SLC6A5: variants seen among roughly 807,000 people sequenced by gnomAD.
The protein encoded by SLC6A5 is sodium- and chloride-dependent glycine transporter 2.
A neutral mutation model predicts 90.5 loss-of-function variants in SLC6A5; 58 were observed. That is an observed-to-expected ratio of 0.64 (90% CI 0.52 to 0.80). The LOEUF (loss-of-function observed/expected upper bound fraction) is 0.80, where lower values mean the gene tolerates loss of function less well. Ranked by LOEUF, SLC6A5 falls within the 30% of genes least tolerant of loss-of-function variation. SLC6A5 has a pLI of 0.00. For synonymous variants in SLC6A5, 427 were observed against 401.4 expected, an observed-to-expected ratio of 1.06 and a Z score of -0.76; for missense variants, 1,015 against 1,017.6, an observed-to-expected ratio of 1.00 and a Z score of 0.03.
chr11:20,648,553 G>C (rs1250338656), intron 14 of SLC6A5, among the ~76,000 whole-genome samples: 1 of 152,110 alleles, frequency 6.6e-6, no homozygotes, highest in Non-Finnish European at 1.5e-5. Context: ...TTCAGGACTG[G>C]AATGTATATG....
At chr11:20,615,886 C>T (rs1852776134) in intron 6 of SLC6A5, among the ~76,000 whole-genome samples, 1 of 152,234 alleles carries the variant, frequency 6.6e-6, no homozygotes, top group South Asian at 2.1e-4. Flanking sequence ...AGGAAAGCCA[C>T]TGGTGCCCAG....
Position 20,601,165 on chromosome 11 carries a change from G to A in SLC6A5, c.40G>A (p.Ala14Thr). The change falls in exon 2 of 16, where the codon GCC becomes ACC. Residue 14 changes from alanine to threonine, a missense_variant. By Grantham distance (58) the Ala-to-Thr change is moderately conservative. Around this residue, in one of 3 missense-constraint regions of SLC6A5, gnomAD observed 567 missense variants for 507.3 expected, o/e 1.12. Coordinates refer to ENST00000525748, the MANE Select transcript of SLC6A5 (RefSeq NM_004211.5). ...TCCCAAGGAAATGAATAAACTGCCA[G>A]CCAACAGCCCGGAGGCGGCGGCGGC... is the stretch of plus-strand genomic sequence containing the variant. ...SAPKEMNKLPANSPEAAAAQG... is the reference protein window; with the variant it reads ...SAPKEMNKLPTNSPEAAAAQG... 1 of 1,590,578 alleles carries A rather than the reference G, an allele frequency of 6.3e-7. No individual in the cohort carries two copies. The highest frequency in any genetic ancestry group is 1.1e-5 in the South Asian group (1 of 89,380).
chr11:20,652,514 T>A (rs186418907), intron 15 of SLC6A5, 58 bp downstream of exon 15: 4 of 1,516,608 alleles, frequency 2.6e-6, no homozygotes, highest in Non-Finnish European at 3.7e-6. Flanking sequence ...CCATAAAAGC[T>A]CTGCATGTTA....
In SLC6A5 at chr11:20,601,327, C is replaced by A. The variant is rs909214394; in HGVS notation, c.202C>A (p.Arg68=). 6.3e-7 allele frequency: 1 copy of A among 1,593,958 alleles called. No homozygotes were observed. Among genetic ancestry groups the A allele is most frequent in the Non-Finnish European group, 8.5e-7 (1 of 1,174,128 alleles). ...GAQTFQSADA[R]ACEAERPGVG... Reference sequence around the variant, plus strand: ...CCAAACTTTCCAGTCAGCGGACGCGCGAGCCTGCGAGGCTGAGCGGCCAGG... The same window carrying A: ...CCAAACTTTCCAGTCAGCGGACGCGAGAGCCTGCGAGGCTGAGCGGCCAGG... Residue 68 remains arginine, a synonymous_variant, in exon 2 of 16, where the codon CGA becomes AGA. Coordinates refer to ENST00000525748, the MANE Select transcript of SLC6A5 (RefSeq NM_004211.5).
intron 14 of SLC6A5, among the ~76,000 whole-genome samples, chr11:20,647,410 A>T (rs1853440161): frequency 7.8e-6 from 1 of 127,570 alleles, no homozygotes; most frequent in Non-Finnish European, 1.6e-5. Flanking sequence ...CCTATTATAT[A>T]GGAATTCCTA....
chr11:20,656,327 T>G lies in SLC6A5; in HGVS notation c.*1459T>G, dbSNP rs1311402980. 1 of 152,208 alleles carries G rather than the reference T, an allele frequency of 6.6e-6. No individual in the cohort carries two copies. The highest frequency in any genetic ancestry group is 2.4e-5 in the African/African-American group (1 of 41,446). The allele number at this position is 152,208 out of a possible 1,614,324, so 9.4% of individuals were successfully genotyped here. The stretch of plus-strand genomic sequence containing the variant: ...GTAGTCTGGGGATTTTATTTTCCCT[T>G]ACAGTAATAATATCTAAACCTAAAA... On this transcript the variant is annotated 3_prime_UTR_variant, in exon 16 of 16. Transcript: ENST00000525748.
chr11:20,653,985 C>T (rs762872650), intron 15 of SLC6A5, among the ~76,000 whole-genome samples: 3 of 152,180 alleles, frequency 2.0e-5, no homozygotes, highest in Non-Finnish European at 2.9e-5. Flanking sequence ...AGGTAATAAA[C>T]ATATAATTGT....
intron 10 of SLC6A5, among the ~76,000 whole-genome samples, chr11:20,632,737 G>T (rs1343528150): frequency 6.6e-6 from 1 of 152,200 alleles, no homozygotes; most frequent in Non-Finnish European, 1.5e-5. Context: ...ACAGGACAGA[G>T]ATTTGGGGTC....
In SLC6A5 at chr11:20,607,575, T is replaced by G. The variant is rs780841122; in HGVS notation, c.908T>G (p.Val303Gly). Reference sequence around the variant, plus strand: ...CTTTTCTACCTGTTTGCCTCCTTTGTGTCTGTACTACCCTGGGGCTCCTGC... The same window carrying G: ...CTTTTCTACCTGTTTGCCTCCTTTGGGTCTGTACTACCCTGGGGCTCCTGC... ...YTLFYLFASF[V>G]SVLPWGSCNN... Residue 303 changes from valine (V) to glycine (G), a missense_variant, in exon 5 of 16, where the codon GTG becomes GGG. Coordinates refer to ENST00000525748, the MANE Select transcript of SLC6A5 (RefSeq NM_004211.5). The G allele has an allele frequency of 1.9e-6, 3 of 1,614,040 alleles. No homozygotes were observed. Among genetic ancestry groups the G allele is most frequent in the East Asian group, 4.5e-5 (2 of 44,892 alleles).
Position 20,656,225 on chromosome 11 carries a change from A to T in SLC6A5, c.*1357A>T, listed in dbSNP as rs536196844. ...TTTAAAATGTGACATGTGTTCATGT[A>T]GTGTGTACTTGTAGTGGTGTTTTCT... On this transcript the variant is annotated 3_prime_UTR_variant, in exon 16 of 16. Coordinates refer to ENST00000525748, the MANE Select transcript of SLC6A5 (RefSeq NM_004211.5). 6.6e-6 allele frequency: 1 copy of T among 152,346 alleles called. No homozygotes were observed. Among genetic ancestry groups the T allele is most frequent in the South Asian group, 2.1e-4 (1 of 4,828 alleles). The allele number at this position is 152,346 out of a possible 1,614,324, so 9.4% of individuals were successfully genotyped here. A position where few individuals can be genotyped will look rare whatever the true frequency, so the allele number is the denominator to read the frequency against.
Position 20,638,486 on chromosome 11 carries a change from G to T in SLC6A5, c.1897G>T (p.Asp633Tyr). 1 of 1,613,016 alleles carries T rather than the reference G, an allele frequency of 6.2e-7. No individual in the cohort carries two copies. The highest frequency in any genetic ancestry group is 8.5e-7 in the Non-Finnish European group (1 of 1,179,088). Residue 633 changes from aspartate (D) to tyrosine (Y), a missense_variant, in exon 13 of 16, where the codon GAC becomes TAC. Around this residue, in one of 3 missense-constraint regions of SLC6A5, gnomAD observed 442 missense variants for 494.3 expected, o/e 0.89. Transcript: ENST00000525748. ...QGGIYMFQLV[D>Y]TYAASYALVI... ...TGGAATTTACATGTTTCAGCTTGTG[G>T]ACACCTATGCTGCCTCCTATGCCCT... is the stretch of plus-strand genomic sequence containing the variant.
chr11:20,618,310 A>G (rs1411294318), intron 7 of SLC6A5, among the ~76,000 whole-genome samples: 1 of 152,110 alleles, frequency 6.6e-6, no homozygotes, highest in Non-Finnish European at 1.5e-5. Flanking sequence ...CTGGCTGAAG[A>G]TCAAAACTGT....
intron 7 of SLC6A5, among the ~76,000 whole-genome samples, chr11:20,621,353 T>TAA: frequency 6.6e-6 from 1 of 152,340 alleles, no homozygotes; most frequent in South Asian, 2.1e-4. Context: ...TCTAGGATTC[T>TAA]TTTTATCTTA....
chr11:20,656,380 A>G lies in SLC6A5; in HGVS notation c.*1512A>G, dbSNP rs567622095. ...GTTTCCTTTAGGGGAGATCATTTCA[A>G]TCATTTTCTTCATTTATCTTCATAG... On this transcript the variant is annotated 3_prime_UTR_variant, in exon 16 of 16. Transcript: ENST00000525748. 1 of 152,186 alleles carries G rather than the reference A, an allele frequency of 6.6e-6. No individual in the cohort carries two copies. The highest frequency in any genetic ancestry group is 1.5e-5 in the Non-Finnish European group (1 of 68,042). The allele number at this position is 152,186 out of a possible 1,614,324, so 9.4% of individuals were successfully genotyped here. A position where few individuals can be genotyped will look rare whatever the true frequency, so the allele number is the denominator to read the frequency against.
chr11:20,654,056 T>C (rs1853593211), intron 15 of SLC6A5, among the ~76,000 whole-genome samples: 1 of 152,254 alleles, frequency 6.6e-6, no homozygotes, highest in South Asian at 2.1e-4. Flanking sequence ...AGTCAAGTTA[T>C]GTTTTCCATA....
intron 6 of SLC6A5, among the ~76,000 whole-genome samples, chr11:20,617,059 T>C (rs1852796177): frequency 6.6e-6 from 1 of 152,192 alleles, no homozygotes; most frequent in South Asian, 2.1e-4. Flanking sequence ...GGGGTGGGGC[T>C]GCCCTGCTAG....
intron 2 of SLC6A5, among the ~76,000 whole-genome samples, chr11:20,603,993 G>A (rs768855737): frequency 6.6e-6 from 1 of 152,084 alleles, no homozygotes; most frequent in Non-Finnish European, 1.5e-5. Flanking sequence ...TTGCTGGTGC[G>A]CCCTGACTGT....
chr11:20,646,826 A>G lies in SLC6A5; in HGVS notation c.1970-8A>G, dbSNP rs1853424195. 1 of 1,596,948 alleles carries G rather than the reference A, an allele frequency of 6.3e-7. No individual in the cohort carries two copies. Among genetic ancestry groups the G allele is most frequent in the African/African-American group, 1.3e-5 (1 of 74,412 alleles). ...CCTTATACCTGTTCTCTGCTTGTCT[A>G]TTTGCAGGCTTGCAAAGATTCTGTG... is the stretch of plus-strand genomic sequence containing the variant. On this transcript the variant is annotated splice_polypyrimidine_tract_variant and splice_region_variant and intron_variant, in intron 13 of 15. Coordinates refer to ENST00000525748, the MANE Select transcript of SLC6A5 (RefSeq NM_004211.5).
At chr11:20,614,596 TGTTTTTAAAC>T in intron 5 of SLC6A5, 73 bp from the exon 6 acceptor site, 1 of 1,364,066 alleles carries the variant, frequency 7.3e-7, no homozygotes, top group Admixed American at 1.7e-5. Context: ...TTTTGGCATT[TGTTTTTAAAC>T]TGCTGCAGAG....
Sources: gnomAD v4.1 joint callset for allele counts (sites outside exome capture counted in the v4.1 genomes callset) on GRCh38, gnomAD v4.1.1 for gene constraint, gnomAD v4.1.1 regional missense constraint, MANE v1.5 for transcripts, NCBI Gene and HGNC (gene_info 2026-07-23, HGNC 2026-07-21) for gene names.